Variants in PBRM1 observed in about 807,000 individuals in gnomAD.
PBRM1 encodes the protein protein polybromo-1.
PBRM1 carries 27 observed loss-of-function variants against 194.5 expected under a neutral mutation model. That is an observed-to-expected ratio of 0.14 (90% CI 0.10 to 0.19). The LOEUF is 0.19. Among genes scored for constraint, PBRM1 ranks in the 10% least tolerant of loss-of-function variants. The pLI, the probability that PBRM1 is intolerant of heterozygous loss-of-function variation, is 1.00. For synonymous variants in PBRM1, 655 were observed against 693.2 expected (o/e 0.94, Z 0.87); for missense variants, 1,466 against 2,077.2 (o/e 0.71, Z 5.72).
intron 17 of PBRM1, among the ~76,000 whole-genome samples, chr3:52,590,132 A>G (rs1449332748): frequency 6.6e-6 from 1 of 151,394 alleles, no homozygotes; most frequent in Non-Finnish European, 1.5e-5. Context: ...GATGACTTTT[A>G]TTTTTGTTAA....
intron 2 of PBRM1, among the ~76,000 whole-genome samples, chr3:52,673,987 G>T (rs919224937): frequency 2.0e-5 from 3 of 150,980 alleles, no homozygotes; most frequent in African/African-American, 7.3e-5. Context: ...GAAGGCAGAG[G>T]CTGCAATAAG....
intron 17 of PBRM1, among the ~76,000 whole-genome samples, chr3:52,600,141 T>G (rs1215187794): frequency 1.3e-5 from 2 of 152,214 alleles, no homozygotes; most frequent in Non-Finnish European, 2.9e-5. Context: ...TTTCTATGTG[T>G]TGGGAACATT....
At position 52,561,970 on chromosome 3, in the gene PBRM1, T is replaced by C. The variant is rs2083644654; in HGVS notation, c.4087-2A>G. 6.2e-7 allele frequency: 1 copy of C among 1,611,936 alleles called. No individual in the cohort carries two copies. Among genetic ancestry groups the C allele is most frequent in the Non-Finnish European group, 8.5e-7 (1 of 1,178,052 alleles). On this transcript the variant is annotated splice_acceptor_variant, in intron 24 of 29. Coordinates refer to ENST00000296302, the Ensembl canonical transcript of PBRM1. LOFTEE classifies it high-confidence loss of function. ...GCCTTTGGCAGACTTTGGGGTAGACTGTAAGACAGAAAGGTCTTATGGTGC... is the reference window on the plus strand; with the variant it reads ...GCCTTTGGCAGACTTTGGGGTAGACCGTAAGACAGAAAGGTCTTATGGTGC...
rs749984882 is a variant in PBRM1, at chr3:52,618,387, G to C, written c.1542-849C>G. Among the ~76,000 whole-genome samples, 19 of 152,218 alleles carry C rather than the reference G, an allele frequency of 1.2e-4. No individual in the cohort carries two copies. In the East Asian group the frequency reaches 2.5e-3, roughly 20 times the overall value. ...AATTGCTGAGAAAACTGGCTCAGAG[G>C]GGGTAAAAGACTTGCCCAAGGTAAG... On this transcript the variant is annotated intron_variant, in intron 13 of 29. Transcript: ENST00000296302.
intron 4 of PBRM1, among the ~76,000 whole-genome samples, chr3:52,659,876 G>A (rs1312317303): frequency 1.3e-5 from 2 of 152,218 alleles, no homozygotes; most frequent in South Asian, 2.1e-4. Flanking sequence ...AGGATCACCT[G>A]AGGTCAAGAG....
intron 13 of PBRM1, among the ~76,000 whole-genome samples, chr3:52,621,822 T>G (rs1458524710): frequency 6.6e-6 from 1 of 152,028 alleles, no homozygotes; most frequent in East Asian, 1.9e-4. Flanking sequence ...GAGGCTGAAG[T>G]GGGAGGACTG....
chr3:52,658,052 C>T (rs2096642781), intron 5 of PBRM1, 147 bp downstream of exon 6: 2 of 543,372 alleles, frequency 3.7e-6, no homozygotes, highest in Non-Finnish European at 6.8e-6. Context: ...CTCGGCCTCC[C>T]AAAGTGCTGG....
intron 22 of PBRM1, among the ~76,000 whole-genome samples, chr3:52,565,198 CA>C (rs199520988): frequency 4.8e-4 from 69 of 142,706 alleles, no homozygotes; most frequent in African/African-American, 6.4e-4. Context: ...GACTCCGTCT[CA>C]AAAAAAAAAA....
chr3:52,655,320 C>T (rs1323778029), intron 5 of PBRM1, among the ~76,000 whole-genome samples: 1 of 152,128 alleles, frequency 6.6e-6, no homozygotes, highest in Non-Finnish European at 1.5e-5. Flanking sequence ...TATAAGAAAT[C>T]ATACAGTATT....
intron 17 of PBRM1, among the ~76,000 whole-genome samples, chr3:52,589,886 T>C (rs1386098794): frequency 2.0e-5 from 3 of 152,100 alleles, no homozygotes; most frequent in South Asian, 2.1e-4. Flanking sequence ...TGGAGTGCAA[T>C]GGCACAATCT....
rs563714862 is a variant in PBRM1, at chr3:52,620,881, T to C, written c.1542-3343A>G. On this transcript the variant is annotated intron_variant, in intron 13 of 29. Coordinates refer to ENST00000296302, the Ensembl canonical transcript of PBRM1. ...TACTAGAGTCACTTATGACCTTCTC[T>C]GAAAAAATCCAGTTTCATCTTTCAT... Among the ~76,000 whole-genome samples, 20 of 152,344 alleles carry C rather than the reference T, an allele frequency of 1.3e-4. No individual in the cohort carries two copies. In the South Asian group the frequency reaches 3.9e-3, roughly 30 times the overall value.
At chr3:52,594,010 A>G (rs149417557) in intron 17 of PBRM1, among the ~76,000 whole-genome samples, 33 of 152,284 alleles carry the variant, frequency 2.2e-4, no homozygotes, top group Non-Finnish European at 4.3e-4. Flanking sequence ...TGGTCTGTCT[A>G]GTACCGTCAG....
intron 8 of PBRM1, among the ~76,000 whole-genome samples, chr3:52,643,949 G>C (rs1363086813): frequency 6.6e-6 from 1 of 151,494 alleles, no homozygotes; most frequent in Non-Finnish European, 1.5e-5. Context: ...TCCAGTTTGG[G>C]CAACAGAGTG....
Position 52,628,111 on chromosome 3 carries a change from G to T in PBRM1, c.1444-741C>A, listed in dbSNP as rs148766946. 1.2e-4 allele frequency among the ~76,000 whole-genome samples: 18 copies of T among 152,194 alleles called. No individual in the cohort carries two copies. The East Asian group carries it at 3.3e-3, about 28-fold the overall frequency. ...CATCCTTCCAAGGGTTCTCAGAGAG[G>T]ATCTGATAAATTCATAGACAATATA... On this transcript the variant is annotated intron_variant, in intron 12 of 29. Transcript: ENST00000296302.
chr3:52,636,757 C>CAAAAAA (rs567776784), intron 10 of PBRM1, among the ~76,000 whole-genome samples: 1,085 of 18,642 alleles, frequency 0.058, 184 homozygotes, highest in Non-Finnish European at 0.089. Context: ...ACTCTGTCTC[C>CAAAAAA]AAAAAAAAAA....
chr3:52,677,403 C>T (rs2097129046), intron 2 of PBRM1, among the ~76,000 whole-genome samples: 1 of 144,530 alleles, frequency 6.9e-6, no homozygotes, highest in South Asian at 2.2e-4. Context: ...CACCACCATG[C>T]TCGGCTTTTT....
At chr3:52,567,367 A>T (rs2085586666) in intron 22 of PBRM1, among the ~76,000 whole-genome samples, 1 of 152,110 alleles carries the variant, frequency 6.6e-6, no homozygotes, top group African/African-American at 2.4e-5. Flanking sequence ...TCTGAAGCAT[A>T]AATTTCTAGA....
exon 1 of PBRM1, chr3:52,679,646 C>G (rs1481976548): frequency 6.2e-7 from 1 of 1,613,808 alleles, no homozygotes; most frequent in African/African-American, 1.3e-5. Flanking sequence ...CAGAATGGTG[C>G]CCATCATCAA....
At chr3:52,683,219 A>T (rs969266249), upstream of PBRM1, among the ~76,000 whole-genome samples, 3 of 151,582 alleles carry the variant, frequency 2.0e-5, no homozygotes, top group South Asian at 2.1e-4. Context: ...ATAATAAAAA[A>T]AAAAATTAGC....
Sources: allele counts gnomAD v4.1 joint callset (sites outside exome capture counted in the v4.1 genomes callset), GRCh38; gene constraint gnomAD v4.1.1; transcripts MANE v1.5; gene names NCBI Gene and HGNC (gene_info 2026-07-23, HGNC 2026-07-21).